NFIC: variants seen among roughly 807,000 people sequenced by gnomAD.
NFIC encodes nuclear factor 1 C-type.
In NFIC, 12 loss-of-function variants were observed where a neutral mutation model predicts 54.4. That is an observed-to-expected ratio of 0.22 (90% confidence interval 0.14 to 0.36). The LOEUF (loss-of-function observed/expected upper bound fraction) is 0.36, where lower values mean the gene tolerates loss of function less well. Among genes scored for constraint, NFIC ranks in the 10% least tolerant of loss-of-function variants. The pLI is 1.00. For missense variants in NFIC, 575 were observed against 718.2 expected, an observed-to-expected ratio of 0.80 and a Z score of 2.28; for synonymous variants, 322 against 319.2, an observed-to-expected ratio of 1.01 and a Z score of -0.09.
chr19:3,371,256 C>G (rs997963419), intron 1 of NFIC: 1 of 151,890 alleles, frequency 6.6e-6, no homozygotes, highest in African/African-American at 2.4e-5. Context: ...GTTTCTTGCC[C>G]TGAAATGAAG....
At chr19:3,373,532 ATT>A (rs1210338911) in intron 1 of NFIC, among the ~76,000 whole-genome samples, 1 of 148,818 alleles carries the variant, frequency 6.7e-6, no homozygotes, top group Non-Finnish European at 1.5e-5. Flanking sequence ...TGCATGACCC[ATT>A]TCTCCATCAG....
intron 2 of NFIC, among the ~76,000 whole-genome samples, chr19:3,403,200 G>C (rs1411009573): frequency 1.3e-5 from 2 of 152,172 alleles, no homozygotes; most frequent in East Asian, 3.9e-4. Flanking sequence ...CAGGCTCTGG[G>C]GAGAGAGGCC....
chr19:3,423,292 G>A (rs1367451840), intron 2 of NFIC, among the ~76,000 whole-genome samples: 2 of 152,198 alleles, frequency 1.3e-5, no homozygotes, highest in Non-Finnish European at 2.9e-5. Flanking sequence ...TGCTTCAGGA[G>A]TATCCTCTCC....
chr19:3,427,160 C>G (rs944658845), intron 3 of NFIC, among the ~76,000 whole-genome samples: 36 of 151,912 alleles, frequency 2.4e-4, no homozygotes, highest in South Asian at 6.2e-4. Context: ...TCTCCTGACC[C>G]TGTGATGCAC....
chr19:3,459,504 G>A lies in NFIC; in HGVS notation c.1509+2869G>A, dbSNP rs1469488841. 6.6e-6 allele frequency among the ~76,000 whole-genome samples: 1 copy of A among 152,190 alleles called. No individual in the cohort carries two copies. On this transcript the variant is annotated intron_variant, in intron 10 of 10. Coordinates refer to ENST00000443272, the MANE Select transcript of NFIC (RefSeq NM_001245002.2). This position sits in a 1 kb window ranked among gnomAD's most constrained non-coding sequence, Gnocchi z 4.2. The stretch of plus-strand genomic sequence containing the variant: ...TGAGCCACATGCCGGGAGCCACACA[G>A]GCGGCTGCAGCCAGGCCAGCAGGAT...
intron 2 of NFIC, among the ~76,000 whole-genome samples, chr19:3,415,227 C>G (rs1330119966): frequency 6.6e-6 from 1 of 151,652 alleles, no homozygotes; most frequent in African/African-American, 2.4e-5. Flanking sequence ...ATTCTCCTGC[C>G]TCAGCCTCCT....
intron 2 of NFIC, among the ~76,000 whole-genome samples, chr19:3,388,144 G>C (rs999142374): frequency 2.6e-5 from 4 of 152,184 alleles, no homozygotes; most frequent in Non-Finnish European, 5.9e-5. Flanking sequence ...CCAGCGCCGG[G>C]AATGGCGCGG....
chr19:3,411,744 C>T (rs2081764571), intron 2 of NFIC, among the ~76,000 whole-genome samples: 1 of 152,122 alleles, frequency 6.6e-6, no homozygotes, highest in Non-Finnish European at 1.5e-5. Flanking sequence ...GGCGGCACAC[C>T]CATAGGAAAC....
intron 7 of NFIC, among the ~76,000 whole-genome samples, chr19:3,450,160 A>G (rs1441100482): frequency 1.3e-5 from 2 of 151,018 alleles, no homozygotes; most frequent in Non-Finnish European, 2.9e-5. Flanking sequence ...CCTGGCTAAC[A>G]TGGTGAAACC....
Position 3,453,912 on chromosome 19 carries a change from G to C in NFIC, c.1419G>C (p.Ser473=), listed in dbSNP as rs772119843. 2.0e-6 allele frequency: 3 copies of C among 1,537,246 alleles called. No homozygotes were observed. Among genetic ancestry groups the C allele is most frequent in the African/African-American group, 2.8e-5 (2 of 71,724 alleles). Residue 473 remains serine (S), a synonymous_variant, in exon 9 of 11, where the codon TCG becomes TCC. Coordinates refer to ENST00000443272, the MANE Select transcript of NFIC (RefSeq NM_001245002.2). This position sits in a 1 kb window ranked among gnomAD's most constrained non-coding sequence, Gnocchi z 6.7. ...TSEGGATSPT[S]PSYSPPDTSP... is the part of the protein sequence containing the mutation. ...AGGGAGGAGCCACGTCGCCGACCTC[G>C]CCTTGTAAGCACGCGGGAAGCGGTG... is the stretch of plus-strand genomic sequence containing the variant.
intron 2 of NFIC, among the ~76,000 whole-genome samples, chr19:3,401,642 G>A (rs2081557066): frequency 6.6e-6 from 1 of 152,180 alleles, no homozygotes; most frequent in Non-Finnish European, 1.5e-5. Context: ...CTGGTGCCCG[G>A]GAGGCCCGTG....
upstream of NFIC, among the ~76,000 whole-genome samples, chr19:3,363,228 T>TGTGTGTGTGTGTGTGTGC (rs1420040180): frequency 0.24 from 13,818 of 58,758 alleles, 2,311 homozygotes; most frequent in Middle Eastern, 0.3. Flanking sequence ...TGTATATGTA[T>TGTGTGTGTGTGTGTGTGC]GTGTATGTGT....
chr19:3,419,914 C>T (rs970470197), intron 2 of NFIC, among the ~76,000 whole-genome samples: 1 of 152,216 alleles, frequency 6.6e-6, no homozygotes, highest in East Asian at 1.9e-4. Context: ...CAGCTAACCC[C>T]GTACTTAGTG....
At chr19:3,394,513 T>TCCCCCCCCCCCCCCCCCCCC (rs1192475558) in intron 2 of NFIC, among the ~76,000 whole-genome samples, 3 of 9,004 alleles carry the variant, frequency 3.3e-4, no homozygotes, top group African/African-American at 1.2e-3. Flanking sequence ...TTATGATCTT[T>TCCCCCCCCCCCCCCCCCCCC]TCCCCACCCA....
At chr19:3,372,711 G>C (rs916138963) in intron 1 of NFIC, among the ~76,000 whole-genome samples, 8 of 146,842 alleles carry the variant, frequency 5.4e-5, no homozygotes, top group African/African-American at 1.5e-4. Flanking sequence ...CAGGAGTGGG[G>C]TGGGGGGGTG....
chr19:3,397,844 G>A (rs1209777365), intron 2 of NFIC, among the ~76,000 whole-genome samples: 1 of 152,200 alleles, frequency 6.6e-6, no homozygotes, highest in Admixed American at 6.5e-5. Context: ...CCCCAAGGTG[G>A]ACCACTCATG....
chr19:3,394,513 TTCCCCACCCA>T (rs1568418266), intron 2 of NFIC, among the ~76,000 whole-genome samples: 16 of 8,996 alleles, frequency 1.8e-3, no homozygotes, highest in African/African-American at 5.9e-3. Context: ...TTATGATCTT[TTCCCCACCCA>T]CCCCCCACCC....
intron 2 of NFIC, among the ~76,000 whole-genome samples, chr19:3,395,858 T>C (rs2081454285): frequency 6.6e-6 from 1 of 152,052 alleles, no homozygotes; most frequent in Non-Finnish European, 1.5e-5. Context: ...TTTTGTATTT[T>C]TAGTAGAGAT....
chr19:3,426,096 G>A (rs1354271428), intron 3 of NFIC, among the ~76,000 whole-genome samples: 1 of 151,426 alleles, frequency 6.6e-6, no homozygotes, highest in Admixed American at 6.6e-5. Flanking sequence ...CACCACGGCT[G>A]GCTAATTTTT....
Sources: allele counts gnomAD v4.1 joint callset (sites outside exome capture counted in the v4.1 genomes callset), GRCh38; gene constraint gnomAD v4.1.1; non-coding constraint Gnocchi (gnomAD v3.1); transcripts MANE v1.5; gene names NCBI Gene and HGNC (gene_info 2026-07-23, HGNC 2026-07-21).